Variants in XIRP2 observed in about 807,000 individuals in gnomAD.
XIRP2 encodes the protein xin actin-binding repeat-containing protein 2.
Under a neutral mutation model 277.0 loss-of-function variants are expected in XIRP2, and 236 were observed. The ratio of observed to expected loss-of-function variants is 0.85; its 90% CI spans 0.77 to 0.95. The LOEUF is 0.95. Among genes scored for constraint, XIRP2 ranks in the 40% least tolerant of loss-of-function variants. The pLI is 0.00. For synonymous variants in XIRP2, 1,490 were observed against 1,416.5 expected, an observed-to-expected ratio of 1.05 and a Z score of -1.17; for missense variants, 4,640 against 4,157.5, an observed-to-expected ratio of 1.12 and a Z score of -3.19.
rs755580011 is a variant in XIRP2 at position 167,245,351 on chromosome 2, C to T, written c.3959C>T (p.Pro1320Leu). The change falls in exon 9 of 11, where the codon CCA becomes CTA. Residue 1320 changes from proline (P) to leucine (L), a missense_variant. Physicochemically the swap from Pro to Leu is moderately conservative, Grantham distance 98 (BLOSUM62 -3). Coordinates refer to ENST00000409195, the MANE Select transcript of XIRP2 (RefSeq NM_152381.6). ...TACAGAATGCTCTTTGAAACCCAGC[C>T]ACTCTATGCAATTCAAGACCGAGAA... The part of the protein sequence containing the change: ...KSYRMLFETQ[P>L]LYAIQDREGS... The T allele has an allele frequency of 2.2e-5, 36 of 1,613,514 alleles. No individual in the cohort carries two copies. Among genetic ancestry groups the T allele is most frequent in the Non-Finnish European group, 3.1e-5 (36 of 1,179,756 alleles).
chr2:166,962,039 G>A (rs936474721), intron 2 of XIRP2, among the ~76,000 whole-genome samples: 2 of 151,610 alleles, frequency 1.3e-5, no homozygotes, highest in South Asian at 2.1e-4. Context: ...GGCCATAAAA[G>A]TTCAAGGGAG....
At position 167,249,098 on chromosome 2, in the gene XIRP2, A is replaced by G. The variant is rs1285941786; in HGVS notation, c.7706A>G (p.Asn2569Ser). ...CAGAAACAGGAGAGTTCTTACTACA[A>G]CATTGTTAAAACTCAAAGCCAAAAT... is the stretch of plus-strand genomic sequence containing the variant. ...EKQKQESSYY[N>S]IVKTQSQNQH... is the part of the protein sequence containing the mutation. The change falls in exon 9 of 11, where the codon AAC becomes AGC. Residue 2569 changes from asparagine (N) to serine (S), a missense_variant. Coordinates refer to ENST00000409195, the MANE Select transcript of XIRP2 (RefSeq NM_152381.6). 6.2e-7 allele frequency: 1 copy of G among 1,613,826 alleles called. No homozygotes were observed. Among genetic ancestry groups the G allele is most frequent in the Non-Finnish European group, 8.5e-7 (1 of 1,179,824 alleles).
chr2:167,211,450 G>C (rs1268527166), intron 4 of XIRP2, among the ~76,000 whole-genome samples: 2 of 152,072 alleles, frequency 1.3e-5, no homozygotes, highest in Non-Finnish European at 2.9e-5. Flanking sequence ...TGAAAAATGG[G>C]AATCATCATT....
intron 2 of XIRP2, among the ~76,000 whole-genome samples, chr2:167,031,576 C>T (rs1688350541): frequency 6.6e-6 from 1 of 152,120 alleles, no homozygotes; most frequent in Non-Finnish European, 1.5e-5. Context: ...AGCACAAAAA[C>T]TCCTTAAGCT....
intron 2 of XIRP2, among the ~76,000 whole-genome samples, chr2:167,122,220 A>G (rs1691075845): frequency 6.6e-6 from 1 of 152,176 alleles, no homozygotes; most frequent in Non-Finnish European, 1.5e-5. Flanking sequence ...CATAGGCAAG[A>G]ATCTTTCTTT....
chr2:167,011,977 GT>G, intron 2 of XIRP2, among the ~76,000 whole-genome samples: 1 of 151,842 alleles, frequency 6.6e-6, no homozygotes, highest in South Asian at 2.1e-4. Context: ...TTCTTTATTA[GT>G]CTTGCTAGCG....
In XIRP2 at chr2:167,136,029, T is replaced by C; in HGVS notation, c.529T>C (p.Ser177Pro). ...CAAGGAAACATCTTTTGACAAGATG[T>C]CACCTGAAAGTGGTCACAGCCGCAT... ...KGKETSFDKM[S>P]PESGHSRIFE... Residue 177 changes from serine (S) to proline (P), a missense_variant, in exon 3 of 11, where the codon TCA (serine) becomes CCA (proline). Ser to Pro is a moderately conservative substitution (Grantham distance 74). Coordinates refer to ENST00000409195, the MANE Select transcript of XIRP2 (RefSeq NM_152381.6). 2 of 1,609,918 alleles carry C rather than the reference T, an allele frequency of 1.2e-6. No individual in the cohort carries two copies. Among genetic ancestry groups the C allele is most frequent in the East Asian group, 2.2e-5 (1 of 44,664 alleles).
intron 2 of XIRP2, among the ~76,000 whole-genome samples, chr2:166,941,145 C>T (rs372308969): frequency 1.2e-4 from 19 of 152,160 alleles, no homozygotes; most frequent in African/African-American, 2.7e-4. Context: ...TCATCAATGG[C>T]GGGCACCCCT....
At chr2:167,228,533 T>C (rs980269753) in intron 5 of XIRP2, among the ~76,000 whole-genome samples, 2 of 152,110 alleles carry the variant, frequency 1.3e-5, no homozygotes, top group Non-Finnish European at 2.9e-5. Context: ...AGTGTGTCCA[T>C]TCAGCTGGGT....
At chr2:166,910,911 A>T (rs1684682915) in intron 2 of XIRP2, among the ~76,000 whole-genome samples, 1 of 152,164 alleles carries the variant, frequency 6.6e-6, no homozygotes, top group South Asian at 2.1e-4. Flanking sequence ...GTTTCCATGT[A>T]GTTGAGCGGT....
In XIRP2 at chr2:167,245,001, A is replaced by G; in HGVS notation, c.3609A>G (p.Lys1203=). The change falls in exon 9 of 11, where the codon AAA becomes AAG. Residue 1203 remains lysine (K), a synonymous_variant. Coordinates refer to ENST00000409195, the MANE Select transcript of XIRP2 (RefSeq NM_152381.6). ...GAGATGTTTCCAGCATGAGGTATAA[A>G]TTTGAAAATCAGTCCTTAGATTCTA... is the stretch of plus-strand genomic sequence containing the variant. ...QAGDVSSMRY[K]FENQSLDSIS... The G allele has an allele frequency of 6.2e-7, 1 of 1,613,490 alleles. No homozygotes were observed. The highest frequency in any genetic ancestry group is 1.1e-5 in the South Asian group (1 of 90,986).
At position 167,258,547 on chromosome 2, in the gene XIRP2, G is replaced by T. The variant is rs1426173908; in HGVS notation, c.*730G>T. ...ATGACAACAATAATGTGATTGTGCA[G>T]AGTGCTGAAAAGGAGAAAAATGAAA... is the stretch of plus-strand genomic sequence containing the variant. On this transcript the variant is annotated 3_prime_UTR_variant, in exon 11 of 11. Coordinates refer to ENST00000409195, the MANE Select transcript of XIRP2 (RefSeq NM_152381.6). The T allele has an allele frequency of 1.9e-6, 3 of 1,612,940 alleles. No individual in the cohort carries two copies. The highest frequency in any genetic ancestry group is 1.3e-5 in the African/African-American group (1 of 74,824).
chr2:167,201,211 AAAGAAAGAAAG>A (rs1306111873), intron 3 of XIRP2, among the ~76,000 whole-genome samples: 1 of 111,878 alleles, frequency 8.9e-6, no homozygotes, highest in Non-Finnish European at 1.8e-5. Context: ...AGAAAGAAAG[AAAGAAAGAAAG>A]AAAGAAAGAA....
At position 167,259,198 on chromosome 2, in the gene XIRP2, T is replaced by C. The variant is rs996206823; in HGVS notation, c.*1381T>C. 3 of 1,613,536 alleles carry C rather than the reference T, an allele frequency of 1.9e-6. No homozygotes were observed. Among genetic ancestry groups the C allele is most frequent in the Non-Finnish European group, 2.5e-6 (3 of 1,179,674 alleles). ...TTGGAAAGGATGTTAAACCTTGGCA[T>C]GTTGAAACAACAGAAGCTGCCCGCA... On this transcript the variant is annotated 3_prime_UTR_variant, in exon 11 of 11. Transcript: ENST00000409195.
At chr2:167,076,805 GGTTA>G (rs758036506) in intron 2 of XIRP2, among the ~76,000 whole-genome samples, 22 of 152,100 alleles carry the variant, frequency 1.4e-4, no homozygotes, top group Non-Finnish European at 2.2e-4. Flanking sequence ...CAGCTACTAT[GGTTA>G]GTTATTTATG....
intron 3 of XIRP2, among the ~76,000 whole-genome samples, chr2:167,164,206 C>G (rs1316993132): frequency 6.6e-6 from 1 of 151,706 alleles, no homozygotes; most frequent in African/African-American, 2.4e-5. Context: ...TTTGGGAGGC[C>G]GAGGCAGGTG....
intron 3 of XIRP2, among the ~76,000 whole-genome samples, chr2:167,147,075 G>C (rs1691883382): frequency 6.6e-6 from 1 of 151,940 alleles, no homozygotes; most frequent in Non-Finnish European, 1.5e-5. Context: ...AAACAAAGAG[G>C]TTTCTATTAA....
At chr2:167,254,335 C>G (rs990614711) in intron 10 of XIRP2, among the ~76,000 whole-genome samples, 170 bp downstream of exon 10, 1 of 151,910 alleles carries the variant, frequency 6.6e-6, no homozygotes, top group African/African-American at 2.4e-5. Flanking sequence ...CGACCTTTTT[C>G]CTTTAGGAAT....
At chr2:167,146,051 A>G (rs962448919) in intron 3 of XIRP2, among the ~76,000 whole-genome samples, 2 of 152,350 alleles carry the variant, frequency 1.3e-5, no homozygotes, top group East Asian at 1.9e-4. Flanking sequence ...GAAGCAACAT[A>G]TTATAAAAAC....
Sources: gnomAD v4.1 joint callset for allele counts (sites outside exome capture counted in the v4.1 genomes callset) on GRCh38, gnomAD v4.1.1 for gene constraint, MANE v1.5 for transcripts, NCBI Gene and HGNC (gene_info 2026-07-23, HGNC 2026-07-21) for gene names.